The following SLC25A30 variants were observed in gnomAD, a reference collection of about 807,000 sequenced individuals.
The protein encoded by SLC25A30 is kidney mitochondrial carrier protein 1.
Under a neutral mutation model 42.7 loss-of-function variants are expected in SLC25A30, and 29 were observed. That is an observed-to-expected ratio of 0.68 (90% CI 0.51 to 0.93). SLC25A30 has a LOEUF of 0.93. Ranked by LOEUF, SLC25A30 falls within the 40% of genes least tolerant of loss-of-function variation. The pLI is 0.00. For missense variants in SLC25A30, 300 were observed against 359.7 expected (o/e 0.83, Z 1.34); for synonymous variants, 124 against 131.0 (o/e 0.95, Z 0.37).
At chr13:45,399,132 A>G in intron 7 of SLC25A30, 54 bp from the exon 8 acceptor site, 8 of 1,527,078 alleles carry the variant, frequency 5.2e-6, no homozygotes, top group Non-Finnish European at 7.0e-6. Context: ...CTGAGCTACA[A>G]CCACCATCAA....
upstream of SLC25A30, among the ~76,000 whole-genome samples, chr13:45,420,893 T>G (rs181796550): frequency 1.4e-3 from 211 of 152,098 alleles, 1 homozygote; most frequent in African/African-American, 4.7e-3. Context: ...AAAACTGAAT[T>G]TTTTAAAAAT....
chr13:45,404,549 T>G, intron 4 of SLC25A30, 137 bp from the exon 5 acceptor site: 1 of 660,462 alleles, frequency 1.5e-6, no homozygotes, highest in South Asian at 1.7e-5. Context: ...CCGGGCATGG[T>G]AGCTCACATC....
the SLC25A30 span, among the ~76,000 whole-genome samples, chr13:45,425,095 T>TAAG: frequency 3.1e-5 from 1 of 32,772 alleles, no homozygotes; most frequent in Non-Finnish European, 5.5e-5. Context: ...TATAAATATA[T>TAAG]TTATAAATAT....
intron 7 of SLC25A30, among the ~76,000 whole-genome samples, 156 bp from the exon 8 acceptor site, chr13:45,399,234 C>A (rs1414676062): frequency 6.6e-6 from 1 of 152,186 alleles, no homozygotes; most frequent in African/African-American, 2.4e-5. Flanking sequence ...GAGACGAAGT[C>A]TTGCTCTGTT....
chr13:45,423,602 T>C, the SLC25A30 span, among the ~76,000 whole-genome samples: 95 of 101,254 alleles, frequency 9.4e-4, 17 homozygotes, highest in African/African-American at 4.3e-3. Context: ...TATATATATA[T>C]ATAAATATAT....
At chr13:45,417,766 A>C (rs1391368978) in intron 1 of SLC25A30, among the ~76,000 whole-genome samples, 1 of 152,220 alleles carries the variant, frequency 6.6e-6, no homozygotes, top group Non-Finnish European at 1.5e-5. Context: ...TTTACATGAA[A>C]GTGCACCTAG....
At chr13:45,424,129 A>T in the SLC25A30 span, among the ~76,000 whole-genome samples, 29,762 of 82,450 alleles carry the variant, frequency 0.36, 5,983 homozygotes, top group Non-Finnish European at 0.43. Flanking sequence ...ATATATAAAT[A>T]TATAAATATA....
intron 4 of SLC25A30, 68 bp downstream of exon 4, chr13:45,405,815 A>C (rs1239420479): frequency 6.8e-7 from 1 of 1,472,262 alleles, no homozygotes; most frequent in Non-Finnish European, 9.4e-7. Context: ...ACCTGCTCCA[A>C]AACCACTTGA....
intron 9 of SLC25A30, chr13:45,396,265 G>A (rs1593593984): frequency 1.0e-5 from 14 of 1,360,868 alleles, no homozygotes; most frequent in Middle Eastern, 2.8e-4. Context: ...TGGCATCTAC[G>A]CTGATAAGCT....
the SLC25A30 span, among the ~76,000 whole-genome samples, chr13:45,425,398 ATG>A: frequency 8.9e-6 from 1 of 112,438 alleles, no homozygotes; most frequent in South Asian, 2.4e-4. Context: ...GAAAATATAT[ATG>A]TATATATATA....
chr13:45,403,543 G>A (rs1882201054), intron 5 of SLC25A30, among the ~76,000 whole-genome samples: 1 of 147,054 alleles, frequency 6.8e-6, no homozygotes, highest in Non-Finnish European at 1.5e-5. Flanking sequence ...ATTTAAAGAT[G>A]CTCTATCCCT....
At chr13:45,405,351 T>C (rs953963655) in intron 4 of SLC25A30, among the ~76,000 whole-genome samples, 4 of 152,240 alleles carry the variant, frequency 2.6e-5, no homozygotes, top group Non-Finnish European at 5.9e-5. Flanking sequence ...GCACATCGTA[T>C]GTATTTAGTT....
At chr13:45,402,541 A>G (rs1466545781) in intron 5 of SLC25A30, among the ~76,000 whole-genome samples, 171 bp from the exon 6 acceptor site, 2 of 152,228 alleles carry the variant, frequency 1.3e-5, no homozygotes, top group African/African-American at 2.4e-5. Flanking sequence ...ACTAAAACGT[A>G]TAAAAATTTA....
At chr13:45,405,292 A>T (rs1882394235) in intron 4 of SLC25A30, among the ~76,000 whole-genome samples, 1 of 152,206 alleles carries the variant, frequency 6.6e-6, no homozygotes, top group Non-Finnish European at 1.5e-5. Flanking sequence ...TAGGACAATA[A>T]TTCCTATGAG....
the SLC25A30 span, among the ~76,000 whole-genome samples, chr13:45,425,419 AGTATATATAAATATAT>A: frequency 7.0e-4 from 79 of 112,976 alleles, 2 homozygotes; most frequent in East Asian, 0.016. Context: ...TAAATATATA[AGTATATATAAATATAT>A]GTATATATAA....
chr13:45,399,425 T>C (rs1295659043), intron 7 of SLC25A30, among the ~76,000 whole-genome samples: 3 of 152,172 alleles, frequency 2.0e-5, no homozygotes, highest in Non-Finnish European at 4.4e-5. Context: ...GCCAGGCTGA[T>C]CTCAGACTCT....
Position 45,402,507 on chromosome 13 carries a change from C to A in SLC25A30, c.394-137G>T, listed in dbSNP as rs1882093279. ...CAAGGAAAAAACTGTCATATAAATA[C>A]TGCTATGATGCTACCTTAAAATGAC... On this transcript the variant is annotated intron_variant, in intron 5 of 9. Coordinates refer to ENST00000519676, the MANE Select transcript of SLC25A30 (RefSeq NM_001010875.4). The A allele has an allele frequency of 5.6e-6, 4 of 713,988 alleles. No individual in the cohort carries two copies. The Admixed American group carries it at 1.0e-4, about 19-fold the overall frequency. The allele number at this position is 713,988 out of a possible 1,614,324, so 44.2% of individuals were successfully genotyped here.
At chr13:45,403,932 A>C (rs1882246793) in intron 5 of SLC25A30, among the ~76,000 whole-genome samples, 1 of 140,372 alleles carries the variant, frequency 7.1e-6, no homozygotes, top group South Asian at 2.3e-4. Flanking sequence ...GTGAGACTCC[A>C]TCTCAAAAAA....
chr13:45,423,072 A>C (rs1327514346), upstream of SLC25A30, among the ~76,000 whole-genome samples: 1 of 152,038 alleles, frequency 6.6e-6, no homozygotes, highest in African/African-American at 2.4e-5. Flanking sequence ...TGGGGTAGGG[A>C]CCCAGTCTTG....
Sources: gnomAD v4.1 joint callset for allele counts (sites outside exome capture counted in the v4.1 genomes callset) on GRCh38, gnomAD v4.1.1 for gene constraint, MANE v1.5 for transcripts, NCBI Gene and HGNC (gene_info 2026-07-23, HGNC 2026-07-21) for gene names.